LPP: variants seen among roughly 807,000 people sequenced by gnomAD.
LPP encodes LIM domain containing preferred translocation partner in lipoma.
A neutral mutation model predicts 60.4 loss-of-function variants in LPP; 38 were observed. That is an observed-to-expected ratio of 0.63 (90% CI 0.49 to 0.83). The LOEUF is 0.83. Among genes scored for constraint, LPP ranks in the 40% least tolerant of loss-of-function variants. LPP has a pLI of 0.00. For missense variants in LPP, 902 were observed against 783.6 expected (o/e 1.15, Z -1.80); for synonymous variants, 328 against 290.8 (o/e 1.13, Z -1.30).
intron 4 of LPP, among the ~76,000 whole-genome samples, chr3:188,408,144 G>A (rs763380408): frequency 3.3e-5 from 5 of 151,962 alleles, no homozygotes; most frequent in Non-Finnish European, 7.4e-5. Context: ...TTGTTATTTT[G>A]TCTCCTAACT....
At chr3:188,584,060 A>G (rs367960221) in intron 6 of LPP, among the ~76,000 whole-genome samples, 30 of 152,246 alleles carry the variant, frequency 2.0e-4, no homozygotes, top group African/African-American at 5.1e-4. Context: ...TACATCCCCA[A>G]TCAAGTACAG....
At chr3:188,366,888 T>C (rs192439335) in intron 3 of LPP, among the ~76,000 whole-genome samples, 8 of 152,020 alleles carry the variant, frequency 5.3e-5, no homozygotes, top group Admixed American at 2.0e-4. Context: ...TTTGCTGCAT[T>C]ATAAAGAATT....
intron 1 of LPP, among the ~76,000 whole-genome samples, chr3:188,208,637 A>AG (rs1382758872): frequency 1.2e-4 from 18 of 152,302 alleles, no homozygotes; most frequent in Admixed American, 3.3e-4. Flanking sequence ...TGAGAATCTC[A>AG]GGGGGTCTTT....
rs376183627 is a variant in LPP, at chr3:188,232,686, A to G, written c.-67+7159A>G. Among the ~76,000 whole-genome samples the G allele has an allele frequency of 8.2e-4, 125 of 152,124 alleles. 2 individuals are homozygous for G. The South Asian group carries it at 0.022, about 26-fold the overall frequency. On this transcript the variant is annotated intron_variant, in intron 2 of 11. Transcript: ENST00000617246. ...CTTGTTATTAAAGTGTTTCTTACCA[A>G]TTATTTCATTTTTATTAAAAGTACA...
At chr3:188,327,350 A>T (rs1227931822) in intron 2 of LPP, among the ~76,000 whole-genome samples, 1 of 152,200 alleles carries the variant, frequency 6.6e-6, no homozygotes, top group Non-Finnish European at 1.5e-5. Flanking sequence ...CTTAGTTATA[A>T]TAACAGTTTG....
At chr3:188,761,494 G>A (rs1037063014) in intron 9 of LPP, among the ~76,000 whole-genome samples, 1 of 152,170 alleles carries the variant, frequency 6.6e-6, no homozygotes, top group South Asian at 2.1e-4. Flanking sequence ...CACATGTAGA[G>A]CCATACAGTG....
intron 4 of LPP, 42 bp from the exon 5 acceptor site, chr3:188,484,550 T>C: frequency 7.2e-7 from 1 of 1,383,540 alleles, no homozygotes; most frequent in South Asian, 1.2e-5. Flanking sequence ...ACTATAACGT[T>C]GCATCCTTAT....
Position 188,887,175 on chromosome 3 carries a change from A to G in LPP, c.*12696A>G, listed in dbSNP as rs1163872088. On this transcript the variant is annotated 3_prime_UTR_variant, in exon 12 of 12. Coordinates refer to ENST00000617246, the MANE Select transcript of LPP (RefSeq NM_001375462.1). Reference sequence around the variant, plus strand: ...ATATGAAGTCTGAATGTCGTTCCTCACCCCCAAATTGTTTAACTCTGCTTC... The same window carrying G: ...ATATGAAGTCTGAATGTCGTTCCTCGCCCCCAAATTGTTTAACTCTGCTTC... The G allele has an allele frequency of 4.4e-6, 1 of 226,106 alleles. No individual in the cohort carries two copies. Among genetic ancestry groups the G allele is most frequent in the Non-Finnish European group, 8.8e-6 (1 of 113,680 alleles). 14.0% of individuals were successfully genotyped at this position (226,106 alleles called of 1,614,324 possible).
chr3:188,637,741 C>T (rs529784625), intron 7 of LPP, among the ~76,000 whole-genome samples: 29 of 152,274 alleles, frequency 1.9e-4, no homozygotes, highest in East Asian at 7.7e-4. Flanking sequence ...AACACCTCTA[C>T]GCAAATAAAC....
intron 8 of LPP, among the ~76,000 whole-genome samples, chr3:188,744,949 C>T (rs9872169): frequency 0.96 from 146,240 of 152,202 alleles, 70,301 homozygotes; most frequent in East Asian, 1. Context: ...ATTCCTTTCT[C>T]TGTTAATTGG....
chr3:188,574,373 G>A (rs1834147549), intron 6 of LPP, among the ~76,000 whole-genome samples: 1 of 152,158 alleles, frequency 6.6e-6, no homozygotes, highest in African/African-American at 2.4e-5. Flanking sequence ...CACGCTATAT[G>A]CTGGCACCAT....
intron 6 of LPP, among the ~76,000 whole-genome samples, chr3:188,592,910 A>G (rs1051088332): frequency 6.6e-6 from 1 of 152,114 alleles, no homozygotes; most frequent in African/African-American, 2.4e-5. Flanking sequence ...CTAAGAAACA[A>G]TGAATAATAT....
At chr3:188,286,307 A>G (rs1442719070) in intron 2 of LPP, among the ~76,000 whole-genome samples, 1 of 152,110 alleles carries the variant, frequency 6.6e-6, no homozygotes, top group African/African-American at 2.4e-5. Context: ...TTGAGCAGGG[A>G]ATTGCTCCTT....
intron 5 of LPP, among the ~76,000 whole-genome samples, chr3:188,507,098 A>C (rs2149961920): frequency 6.6e-6 from 1 of 152,300 alleles, no homozygotes; most frequent in African/African-American, 2.4e-5. Context: ...CGCCCGGCCC[A>C]TAACCTTTAT....
At chr3:188,564,802 C>A (rs1032818270) in intron 6 of LPP, among the ~76,000 whole-genome samples, 1 of 151,926 alleles carries the variant, frequency 6.6e-6, no homozygotes, top group Non-Finnish European at 1.5e-5. Context: ...CCAGTGTTTC[C>A]TTGTCCGGTG....
intron 1 of LPP, among the ~76,000 whole-genome samples, chr3:188,223,491 A>C (rs1716589770): frequency 6.6e-6 from 1 of 152,222 alleles, no homozygotes; most frequent in Admixed American, 6.5e-5. Flanking sequence ...CAATCATTTC[A>C]CAGTGGTTCT....
At chr3:188,500,110 C>G (rs1337925815) in intron 5 of LPP, among the ~76,000 whole-genome samples, 3 of 151,176 alleles carry the variant, frequency 2.0e-5, no homozygotes, top group Non-Finnish European at 4.4e-5. Flanking sequence ...TTTTTCTTCC[C>G]TGATTACTCT....
In LPP at chr3:188,610,400, G is replaced by C. The variant is rs1843445198; in HGVS notation, c.1113+556G>C. Among the ~76,000 whole-genome samples, 1 of 152,180 alleles carries C rather than the reference G, an allele frequency of 6.6e-6. No individual in the cohort carries two copies. The highest frequency in any genetic ancestry group is 2.1e-4 in the South Asian group (1 of 4,824). On this transcript the variant is annotated intron_variant, in intron 7 of 11. Coordinates refer to ENST00000617246, the MANE Select transcript of LPP (RefSeq NM_001375462.1). This position sits in a 1 kb window ranked among gnomAD's most constrained non-coding sequence, Gnocchi z 4.4. Reference sequence around the variant, plus strand: ...TTGCTGGGCCAGAACAAGTGGCCAAGGACCCAGGAAATGGGTGAGGCCAAG... The same window carrying C: ...TTGCTGGGCCAGAACAAGTGGCCAACGACCCAGGAAATGGGTGAGGCCAAG...
chr3:188,746,684 A>G (rs1379583098), intron 8 of LPP: 2 of 370,582 alleles, frequency 5.4e-6, no homozygotes, highest in Admixed American at 3.6e-5. Flanking sequence ...GGAGCTCCCT[A>G]TAAGCCTTAG....
Sources: gnomAD v4.1 joint callset for allele counts (sites outside exome capture counted in the v4.1 genomes callset) on GRCh38, gnomAD v4.1.1 for gene constraint, Gnocchi (gnomAD v3.1) non-coding constraint, MANE v1.5 for transcripts, NCBI Gene and HGNC (gene_info 2026-07-23, HGNC 2026-07-21) for gene names.